The following LRRK1 variants were observed in gnomAD, a reference collection of about 807,000 sequenced individuals.
The protein encoded by LRRK1 is leucine rich repeat kinase 1.
A neutral mutation model predicts 209.1 loss-of-function variants in LRRK1; 113 were observed. The ratio of observed to expected loss-of-function variants is 0.54; its 90% CI spans 0.46 to 0.63. The LOEUF (loss-of-function observed/expected upper bound fraction) is 0.63, where lower values mean the gene tolerates loss of function less well. Ranked by LOEUF, LRRK1 falls within the 30% of genes least tolerant of loss-of-function variation. The pLI is 0.00. For missense variants in LRRK1, 2,284 were observed against 2,632.2 expected (o/e 0.87, Z 2.89); for synonymous variants, 1,144 against 1,099.7 (o/e 1.04, Z -0.80).
At chr15:101,052,844 T>A in intron 24 of LRRK1, 78 bp from the exon 25 acceptor site, 9 of 1,498,558 alleles carry the variant, frequency 6.0e-6, no homozygotes, top group Non-Finnish European at 7.2e-6. Context: ...CTCTCGGCCG[T>A]TGGGGCAAAT....
chr15:101,049,378 T>G, intron 22 of LRRK1: 1 of 387,266 alleles, frequency 2.6e-6, no homozygotes, highest in Admixed American at 4.4e-5. Flanking sequence ...GGAACTTCCT[T>G]AGGGCCTCAC....
chr15:101,010,326 C>T (rs1210935196), intron 7 of LRRK1, 124 bp from the exon 8 acceptor site: 5 of 985,594 alleles, frequency 5.1e-6, no homozygotes, highest in Non-Finnish European at 7.5e-6. Context: ...TTTCAATGCA[C>T]ACTCTTTAAC....
chr15:100,973,173 G>T (rs12719735), intron 2 of LRRK1, among the ~76,000 whole-genome samples: 97,481 of 152,086 alleles, frequency 0.64, 31,931 homozygotes, highest in South Asian at 0.72. Context: ...GCGGCCTCCC[G>T]CAAGGCTGGC....
intron 3 of LRRK1, 74 bp from the exon 4 acceptor site, chr15:100,983,454 A>G: frequency 1.4e-6 from 2 of 1,385,322 alleles, no homozygotes; most frequent in Admixed American, 2.2e-5. Flanking sequence ...GACCTGGTGA[A>G]GGGTTTAACG....
chr15:100,973,912 G>A lies in LRRK1; in HGVS notation c.206G>A (p.Gly69Asp). Residue 69 changes from glycine (G) to aspartate (D), a missense_variant, in exon 3 of 34, where the codon GGC (glycine) becomes GAC (aspartate). This residue lies in a region of LRRK1 where 174 missense variants were observed against 133.5 expected (regional missense o/e 1.30). Transcript: ENST00000388948. The stretch of plus-strand genomic sequence containing the variant: ...GCGTACAGGCGGGGAGACCGCGGCG[G>A]CGCCCGGGACCTGCTGGAGGAGGCC... ...RAAYRRGDRG[G>D]ARDLLEEACD... The A allele has an allele frequency of 1.6e-6, 2 of 1,267,702 alleles. No homozygotes were observed. The highest frequency in any genetic ancestry group is 2.0e-6 in the Non-Finnish European group (2 of 1,001,206). The allele number at this position is 1,267,702 out of a possible 1,614,324, so 78.5% of individuals were successfully genotyped here. A position where few individuals can be genotyped will look rare whatever the true frequency, so the allele number is the denominator to read the frequency against.
chr15:101,058,885 G>A (rs2035986125), intron 29 of LRRK1, among the ~76,000 whole-genome samples: 1 of 152,204 alleles, frequency 6.6e-6, no homozygotes, highest in African/African-American at 2.4e-5. Context: ...GTGGGTGGGA[G>A]GCGCACAGTC....
Position 101,011,896 on chromosome 15 carries a change from G to T in LRRK1, c.1282-112G>T, listed in dbSNP as rs2033267210. On this transcript the variant is annotated intron_variant, in intron 9 of 33. Coordinates refer to ENST00000388948, the MANE Select transcript of LRRK1 (RefSeq NM_024652.6). ...CAACACTCAGTCATCTTCATTACAG[G>T]ACATTATTGTAATGGTCCATTTTTA... 5.2e-6 allele frequency: 4 copies of T among 766,420 alleles called. No homozygotes were observed. In the Admixed American group the frequency reaches 7.1e-5, roughly 14 times the overall value. 47.5% of individuals were successfully genotyped at this position (766,420 alleles called of 1,614,324 possible). A position where few individuals can be genotyped will look rare whatever the true frequency, so the allele number is the denominator to read the frequency against.
At chr15:101,006,657 A>G (rs2032972805) in intron 6 of LRRK1, among the ~76,000 whole-genome samples, 2 of 152,156 alleles carry the variant, frequency 1.3e-5, no homozygotes, top group South Asian at 2.1e-4. Context: ...CTTCAGGGAT[A>G]CATGCTGAAG....
intron 2 of LRRK1, among the ~76,000 whole-genome samples, chr15:100,942,218 A>C (rs1247336456): frequency 6.6e-6 from 1 of 152,188 alleles, no homozygotes; most frequent in Non-Finnish European, 1.5e-5. Context: ...AGTCGGAAGG[A>C]ACCGGGTTCA....
rs1223456009 is a variant in LRRK1 at position 101,009,159 on chromosome 15, G to GA, written c.989+101dup. The GA allele has an allele frequency of 5.9e-5, 59 of 1,000,054 alleles. No homozygotes were observed. The African/African-American group carries it at 6.3e-4, about 11-fold the overall frequency. 61.9% of individuals were successfully genotyped at this position (1,000,054 alleles called of 1,614,324 possible). The stretch of plus-strand genomic sequence containing the variant: ...CGGGTTGTATTTTGTGGTTTTGGGG[G>GA]AAAAATGTTCTGGCTAAAATAGGAG... On this transcript the variant is annotated intron_variant, in intron 7 of 33. Transcript: ENST00000388948.
chr15:101,042,384 G>A (rs111905144), intron 20 of LRRK1, among the ~76,000 whole-genome samples: 2,721 of 152,024 alleles, frequency 0.018, 43 homozygotes, highest in Non-Finnish European at 0.028. Flanking sequence ...CTCAGTCTTC[G>A]TCACCCCTGA....
intron 2 of LRRK1, among the ~76,000 whole-genome samples, 169 bp from the exon 3 acceptor site, chr15:100,973,635 T>A (rs1339982835): frequency 6.6e-6 from 1 of 152,086 alleles, no homozygotes; most frequent in Non-Finnish European, 1.5e-5. Flanking sequence ...GGGTTGCGGG[T>A]CGCGGGGCGG....
intron 33 of LRRK1, among the ~76,000 whole-genome samples, chr15:101,068,304 C>T (rs1341393326): frequency 6.6e-6 from 1 of 152,112 alleles, no homozygotes; most frequent in Admixed American, 6.5e-5. Context: ...GAGTTAAACT[C>T]GGTCATGAGC....
In LRRK1 at chr15:101,063,017, C is replaced by G. The variant is rs141869994; in HGVS notation, c.4914+327C>G. Among the ~76,000 whole-genome samples, 127 of 152,270 alleles carry G rather than the reference C, an allele frequency of 8.3e-4. No homozygotes were observed. In the Middle Eastern group the frequency reaches 0.014, roughly 16 times the overall value. On this transcript the variant is annotated intron_variant, in intron 31 of 33. Transcript: ENST00000388948. ...GTCATGCGTGTGCCCTTCCCCTATC[C>G]GGAGCCTCTTCCCCACCTGCCCAGG...
chr15:100,973,660 G>C (rs1464660678), intron 2 of LRRK1, 144 bp from the exon 3 acceptor site: 1 of 862,662 alleles, frequency 1.2e-6, no homozygotes, highest in African/African-American at 1.7e-5. Flanking sequence ...CGCAGGGAGC[G>C]TCGCGGGGCC....
chr15:101,030,671 A>G (rs2034241512), intron 20 of LRRK1, among the ~76,000 whole-genome samples: 1 of 152,102 alleles, frequency 6.6e-6, no homozygotes, highest in South Asian at 2.1e-4. Flanking sequence ...CTGGAATGAC[A>G]TGGCCCTGCC....
At chr15:101,068,141 C>A (rs1567294626) in intron 33 of LRRK1, among the ~76,000 whole-genome samples, 1 of 152,186 alleles carries the variant, frequency 6.6e-6, no homozygotes, top group African/African-American at 2.4e-5. Context: ...CACACACCCA[C>A]CGATCCTGCA....
Position 101,053,014 on chromosome 15 carries a change from G to A in LRRK1, c.3782G>A (p.Arg1261Gln), listed in dbSNP as rs199933427. 1,331 of 1,613,030 alleles carry A rather than the reference G, an allele frequency of 8.3e-4. 3 individuals are homozygous for A. The highest frequency in any genetic ancestry group is 1.0e-3 in the Non-Finnish European group (1,181 of 1,179,456). The part of the protein sequence containing the change: ...GGSGTVIYRA[R>Q]YQGQPVAVKR... ...AGTGGCACCGTCATCTACCGGGCCCGGTACCAGGGCCAGCCTGTGGCCGTC... is the reference window on the plus strand; with the variant it reads ...AGTGGCACCGTCATCTACCGGGCCCAGTACCAGGGCCAGCCTGTGGCCGTC... The change falls in exon 25 of 34, where the codon CGG (arginine) becomes CAG (glutamine). Residue 1261 changes from arginine (R) to glutamine (Q), a missense_variant. Physicochemically the swap from Arg to Gln is conservative, Grantham distance 43. Transcript: ENST00000388948.
intron 33 of LRRK1, among the ~76,000 whole-genome samples, chr15:101,068,345 G>A (rs1198406872): frequency 6.6e-6 from 1 of 152,162 alleles, no homozygotes; most frequent in African/African-American, 2.4e-5. Context: ...GGTCAGTGGT[G>A]TTTTCTGGAC....
Sources: allele counts gnomAD v4.1 joint callset (sites outside exome capture counted in the v4.1 genomes callset), GRCh38; gene constraint gnomAD v4.1.1; regional missense constraint gnomAD v4.1.1; transcripts MANE v1.5; gene names NCBI Gene and HGNC (gene_info 2026-07-23, HGNC 2026-07-21).